Variants in BTBD9 observed in about 807,000 individuals in gnomAD.
BTBD9 encodes BTB/POZ domain-containing protein 9.
Under a neutral mutation model 64.3 loss-of-function variants are expected in BTBD9, and 49 were observed. The ratio of observed to expected loss-of-function variants is 0.76; its 90% CI spans 0.61 to 0.97. The LOEUF (loss-of-function observed/expected upper bound fraction) is 0.97. Among genes scored for constraint, BTBD9 ranks in the 50% least tolerant of loss-of-function variants. The pLI is 0.00. For synonymous variants in BTBD9, 260 were observed against 274.7 expected, an observed-to-expected ratio of 0.95 and a Z score of 0.53; for missense variants, 598 against 762.1, an observed-to-expected ratio of 0.78 and a Z score of 2.53.
intron 6 of BTBD9, among the ~76,000 whole-genome samples, chr6:38,365,791 A>G (rs1167407936): frequency 1.3e-5 from 2 of 151,924 alleles, no homozygotes; most frequent in African/African-American, 2.4e-5. Context: ...TGAAGGTACA[A>G]TCTCCCAAGG....
intron 7 of BTBD9, among the ~76,000 whole-genome samples, chr6:38,296,003 A>T (rs1239489799): frequency 2.0e-5 from 3 of 152,156 alleles, no homozygotes; most frequent in African/African-American, 7.2e-5. Context: ...GGCCGAGATC[A>T]TGCCACTCCA....
intron 10 of BTBD9, among the ~76,000 whole-genome samples, chr6:38,180,887 T>C (rs1168564794): frequency 6.6e-6 from 1 of 152,216 alleles, no homozygotes; most frequent in Non-Finnish European, 1.5e-5. Context: ...ACAGCCTCAG[T>C]CACAATCGGG....
At chr6:38,386,840 A>G (rs149492438) in intron 6 of BTBD9, among the ~76,000 whole-genome samples, 1 of 152,056 alleles carries the variant, frequency 6.6e-6, no homozygotes, top group East Asian at 1.9e-4. Context: ...ACAGGGTTTC[A>G]CCATGCTGCC....
chr6:38,571,841 T>C (rs1277222012), intron 6 of BTBD9: 1 of 152,118 alleles, frequency 6.6e-6, no homozygotes, highest in African/African-American at 2.4e-5. Context: ...ATGCCTGTAG[T>C]CCCAGCTACT....
intron 6 of BTBD9, among the ~76,000 whole-genome samples, chr6:38,348,252 G>A (rs914255530): frequency 1.3e-5 from 2 of 152,180 alleles, no homozygotes; most frequent in Non-Finnish European, 2.9e-5. Context: ...ACAAAACTTG[G>A]TTCTCGGTCA....
chr6:38,518,819 G>T (rs919511280), intron 6 of BTBD9, among the ~76,000 whole-genome samples: 5 of 152,160 alleles, frequency 3.3e-5, no homozygotes, highest in African/African-American at 4.8e-5. Flanking sequence ...CTACTATAAG[G>T]TGCCATTATA....
chr6:38,356,723 T>C (rs140770333), intron 6 of BTBD9, among the ~76,000 whole-genome samples: 123 of 152,306 alleles, frequency 8.1e-4, no homozygotes, highest in African/African-American at 2.6e-3. Context: ...GTGAGGCTCA[T>C]AGACTTTTAG....
chr6:38,319,967 G>C (rs757014284), intron 7 of BTBD9, among the ~76,000 whole-genome samples: 1 of 152,122 alleles, frequency 6.6e-6, no homozygotes, highest in Non-Finnish European at 1.5e-5. Context: ...CTCAAGTTCC[G>C]ACTGCTGGGA....
intron 8 of BTBD9, among the ~76,000 whole-genome samples, chr6:38,286,023 T>C (rs930235349): frequency 1.3e-5 from 2 of 152,086 alleles, no homozygotes; most frequent in African/African-American, 4.8e-5. Context: ...GAAAGGAAGG[T>C]GGGGTATTAT....
chr6:38,193,718 C>A, intron 9 of BTBD9: 1 of 707,004 alleles, frequency 1.4e-6, no homozygotes, highest in Non-Finnish European at 1.7e-6. Context: ...CTCCTCCGCT[C>A]TCACAGTGGA....
chr6:38,325,381 T>C (rs938546279), intron 7 of BTBD9, among the ~76,000 whole-genome samples: 2 of 152,132 alleles, frequency 1.3e-5, no homozygotes, highest in Non-Finnish European at 2.9e-5. Context: ...ACCTAATGGA[T>C]ACCTGTTTAA....
chr6:38,284,935 AT>A (rs1236429598), intron 8 of BTBD9, among the ~76,000 whole-genome samples: 5 of 138,462 alleles, frequency 3.6e-5, no homozygotes, highest in African/African-American at 7.8e-5. Context: ...GGTGGAACCC[AT>A]GTGCAATGCT....
chr6:38,239,459 A>T (rs115527743), intron 9 of BTBD9, among the ~76,000 whole-genome samples: 12,618 of 148,766 alleles, frequency 0.085, 938 homozygotes, highest in East Asian at 0.42. Context: ...AAAAAAAAAA[A>T]AGATATAATC....
chr6:38,315,262 C>A (rs1359867113), intron 7 of BTBD9, among the ~76,000 whole-genome samples: 2 of 152,070 alleles, frequency 1.3e-5, no homozygotes, highest in Non-Finnish European at 2.9e-5. Flanking sequence ...GTATTATTTT[C>A]TTCATTTCAA....
intron 7 of BTBD9, among the ~76,000 whole-genome samples, chr6:38,303,085 T>C (rs1762474998): frequency 2.6e-5 from 4 of 152,210 alleles, no homozygotes; most frequent in Admixed American, 2.6e-4. Flanking sequence ...TCCCATTCTG[T>C]AAACTGTCTA....
intron 8 of BTBD9, among the ~76,000 whole-genome samples, chr6:38,271,637 A>G (rs1765199022): frequency 6.6e-6 from 1 of 152,188 alleles, no homozygotes; most frequent in South Asian, 2.1e-4. Context: ...AAAACCTAAA[A>G]TATCTACTAC....
chr6:38,205,863 G>C (rs978631626), intron 9 of BTBD9, among the ~76,000 whole-genome samples: 1 of 56,674 alleles, frequency 1.8e-5, no homozygotes, highest in Non-Finnish European at 3.7e-5. Context: ...CAGCCTGAGA[G>C]AGCAGGAGTC....
intron 9 of BTBD9, among the ~76,000 whole-genome samples, chr6:38,224,105 T>A (rs1051775004): frequency 6.6e-6 from 1 of 151,994 alleles, no homozygotes; most frequent in Non-Finnish European, 1.5e-5. Flanking sequence ...CCCAGCTACT[T>A]TGGGGGCTGA....
chr6:38,337,997 G>T (rs1763958848), intron 7 of BTBD9, among the ~76,000 whole-genome samples: 1 of 152,172 alleles, frequency 6.6e-6, no homozygotes, highest in South Asian at 2.1e-4. Context: ...TGTTCAGATA[G>T]CACAGTTCCA....
Sources: allele counts gnomAD v4.1 joint callset (sites outside exome capture counted in the v4.1 genomes callset), GRCh38; gene constraint gnomAD v4.1.1; transcripts MANE v1.5; gene names NCBI Gene and HGNC (gene_info 2026-07-23, HGNC 2026-07-21).